The following FYN variants were observed in gnomAD, a reference collection of about 807,000 sequenced individuals.
FYN encodes FYN proto-oncogene, Src family tyrosine kinase, also known as tyrosine-protein kinase Fyn.
A neutral mutation model predicts 70.2 loss-of-function variants in FYN; 10 were observed. The observed-to-expected ratio is 0.14, with a 90% CI of 0.09 to 0.24. FYN has a LOEUF of 0.24. Among genes scored for constraint, FYN ranks in the 10% least tolerant of loss-of-function variants. The pLI is 1.00. For missense variants in FYN, 319 were observed against 673.1 expected, an observed-to-expected ratio of 0.47 and a Z score of 5.82; for synonymous variants, 236 against 248.6, an observed-to-expected ratio of 0.95 and a Z score of 0.48.
At chr6:111,755,884 A>G (rs563097645) in intron 3 of FYN, among the ~76,000 whole-genome samples, 1 of 152,322 alleles carries the variant, frequency 6.6e-6, no homozygotes, top group African/African-American at 2.4e-5. Flanking sequence ...TTTTATTTAG[A>G]ATAAAATACT....
At position 111,803,107 on chromosome 6, in the gene FYN, C is replaced by T. The variant is rs183146874; in HGVS notation, c.-81-22472G>A. Among the ~76,000 whole-genome samples, 36 of 152,318 alleles carry T rather than the reference C, an allele frequency of 2.4e-4. No individual in the cohort carries two copies. In the East Asian group the frequency reaches 6.4e-3, roughly 27 times the overall value. On this transcript the variant is annotated intron_variant, in intron 2 of 13. Coordinates refer to ENST00000354650, the MANE Select transcript of FYN (RefSeq NM_002037.5). ...GACTGTTCACAAGATCCTCCAACTG[C>T]CTCAAAACATCTGCTTCCCACTAAC...
chr6:111,833,040 T>C (rs377056299), intron 2 of FYN, among the ~76,000 whole-genome samples: 27 of 152,244 alleles, frequency 1.8e-4, no homozygotes, highest in East Asian at 1.2e-3. Flanking sequence ...AAAATCTAGA[T>C]ATGAAAGAAT....
At chr6:111,690,161 G>A (rs1799251835) in intron 12 of FYN, among the ~76,000 whole-genome samples, 1 of 151,676 alleles carries the variant, frequency 6.6e-6, no homozygotes, top group Non-Finnish European at 1.5e-5. Flanking sequence ...CATTGCCTAT[G>A]TCGGGGGTCA....
At chr6:111,851,901 T>C (rs1773696605) in intron 1 of FYN, among the ~76,000 whole-genome samples, 1 of 152,050 alleles carries the variant, frequency 6.6e-6, no homozygotes, top group African/African-American at 2.4e-5. Context: ...CCTTTTTTTT[T>C]TTTTCAAGAG....
intron 9 of FYN, chr6:111,699,403 T>C: frequency 8.8e-7 from 1 of 1,131,932 alleles, no homozygotes; most frequent in Non-Finnish European, 1.3e-6. Flanking sequence ...GCCCGTCTAG[T>C]TATCCAGGTT....
Position 111,661,399 on chromosome 6 carries a change from T to A in FYN, c.*340A>T, listed in dbSNP as rs1391854381. 5.2e-6 allele frequency: 1 copy of A among 191,712 alleles called. No individual in the cohort carries two copies. The highest frequency in any genetic ancestry group is 1.3e-4 in the East Asian group (1 of 7,796). The allele number at this position is 191,712 out of a possible 1,614,324, so 11.9% of individuals were successfully genotyped here. On this transcript the variant is annotated 3_prime_UTR_variant, in exon 14 of 14. Coordinates refer to ENST00000354650, the MANE Select transcript of FYN (RefSeq NM_002037.5). The surrounding 1 kb of genome is among the most constrained non-coding windows in gnomAD (Gnocchi z 4.0). Reference sequence around the variant, plus strand: ...AGGTGAAGACAGAGTTAAAATCACATAGGATTTGCATTTTTAAAAAAGGAA... The same window carrying A: ...AGGTGAAGACAGAGTTAAAATCACAAAGGATTTGCATTTTTAAAAAAGGAA...
At chr6:111,818,275 C>A (rs1772552310) in intron 2 of FYN, among the ~76,000 whole-genome samples, 1 of 152,178 alleles carries the variant, frequency 6.6e-6, no homozygotes, top group African/African-American at 2.4e-5. Flanking sequence ...TCCCTTCATG[C>A]AATTCCTGGG....
intron 3 of FYN, among the ~76,000 whole-genome samples, chr6:111,779,975 A>G (rs1771109033): frequency 6.6e-6 from 1 of 152,178 alleles, no homozygotes; most frequent in African/African-American, 2.4e-5. Context: ...TCTAACAACC[A>G]GTAGGTATAG....
intron 1 of FYN, among the ~76,000 whole-genome samples, chr6:111,867,797 GC>G (rs1774157593): frequency 6.6e-6 from 1 of 152,014 alleles, no homozygotes; most frequent in Non-Finnish European, 1.5e-5. Flanking sequence ...TCGGTCAAAG[GC>G]CCATACTGTG....
intron 3 of FYN, among the ~76,000 whole-genome samples, chr6:111,775,563 T>C (rs1303025285): frequency 3.9e-5 from 6 of 152,226 alleles, no homozygotes; most frequent in Non-Finnish European, 8.8e-5. Context: ...GTGACGCTTA[T>C]GGAAGGGAAT....
At chr6:111,853,697 C>T (rs1188006350) in intron 1 of FYN, among the ~76,000 whole-genome samples, 2 of 152,198 alleles carry the variant, frequency 1.3e-5, no homozygotes, top group Admixed American at 1.3e-4. Context: ...TAGTTCACTG[C>T]AGCTTTGACC....
At chr6:111,749,328 A>C (rs569188261) in intron 3 of FYN, among the ~76,000 whole-genome samples, 2 of 152,340 alleles carry the variant, frequency 1.3e-5, no homozygotes, top group African/African-American at 4.8e-5. Context: ...AATGATAATC[A>C]TGTTTATGAT....
At chr6:111,751,901 G>A (rs1221050645) in intron 3 of FYN, among the ~76,000 whole-genome samples, 2 of 152,154 alleles carry the variant, frequency 1.3e-5, no homozygotes, top group African/African-American at 2.4e-5. Context: ...TTACAGGCAT[G>A]AGCCACCATG....
intron 12 of FYN, chr6:111,676,422 C>G (rs949943968): frequency 6.6e-6 from 1 of 152,184 alleles, no homozygotes; most frequent in Non-Finnish European, 1.5e-5. Context: ...TCCTTACGTG[C>G]TAGATGATTC....
intron 3 of FYN, among the ~76,000 whole-genome samples, chr6:111,775,697 T>C (rs1004941723): frequency 6.6e-6 from 1 of 152,194 alleles, no homozygotes; most frequent in East Asian, 1.9e-4. Context: ...AAGCACCGCC[T>C]GGAGAGGCTG....
chr6:111,719,461 C>A (rs992067645), intron 4 of FYN, among the ~76,000 whole-genome samples: 2 of 152,164 alleles, frequency 1.3e-5, no homozygotes, highest in African/African-American at 4.8e-5. Context: ...GCTCAGGCAT[C>A]CGTGTTTTGA....
chr6:111,869,798 C>G (rs1774217804), intron 1 of FYN, among the ~76,000 whole-genome samples: 1 of 152,158 alleles, frequency 6.6e-6, no homozygotes, highest in East Asian at 1.9e-4. Flanking sequence ...AGAACCACAT[C>G]AAAGTCAACA....
At chr6:111,856,293 G>C (rs1278923937) in intron 1 of FYN, among the ~76,000 whole-genome samples, 1 of 152,180 alleles carries the variant, frequency 6.6e-6, no homozygotes, top group Non-Finnish European at 1.5e-5. Flanking sequence ...TTCTGAATGA[G>C]AAATATTGTG....
chr6:111,798,782 A>C (rs1417131656), intron 2 of FYN, among the ~76,000 whole-genome samples: 1 of 152,224 alleles, frequency 6.6e-6, no homozygotes, highest in East Asian at 1.9e-4. Context: ...ATAAACAAAA[A>C]GCGTTCTGGG....
Sources: allele counts gnomAD v4.1 joint callset (sites outside exome capture counted in the v4.1 genomes callset), GRCh38; gene constraint gnomAD v4.1.1; non-coding constraint Gnocchi (gnomAD v3.1); transcripts MANE v1.5; gene names NCBI Gene and HGNC (gene_info 2026-07-23, HGNC 2026-07-21).